The following RERE variants were observed in gnomAD, a reference collection of about 807,000 sequenced individuals.
RERE encodes arginine-glutamic acid dipeptide repeats protein.
In RERE, 40 loss-of-function variants were observed where a neutral mutation model predicts 146.1. The ratio of observed to expected loss-of-function variants is 0.27; its 90% confidence interval spans 0.21 to 0.36. The LOEUF (loss-of-function observed/expected upper bound fraction) is 0.36. Ranked by LOEUF, RERE falls within the 10% of genes least tolerant of loss-of-function variation. The pLI is 1.00. For synonymous variants in RERE, 1,003 were observed against 866.0 expected, an observed-to-expected ratio of 1.16 and a Z score of -2.78; for missense variants, 1,933 against 2,138.7, an observed-to-expected ratio of 0.90 and a Z score of 1.90.
intron 1 of RERE, among the ~76,000 whole-genome samples, chr1:8,690,867 C>T (rs1639192067): frequency 6.6e-6 from 1 of 151,728 alleles, no homozygotes; most frequent in Non-Finnish European, 1.5e-5. Context: ...TTAGATGTGG[C>T]CAAAATTTTA....
chr1:8,730,765 C>A (rs908880533), intron 1 of RERE, among the ~76,000 whole-genome samples: 5 of 152,184 alleles, frequency 3.3e-5, no homozygotes, highest in Non-Finnish European at 5.9e-5. Context: ...CAGGTGTGAG[C>A]CACAGTGACC....
chr1:8,373,730 C>A (rs560465210), intron 12 of RERE, among the ~76,000 whole-genome samples: 8 of 152,190 alleles, frequency 5.3e-5, no homozygotes, highest in Admixed American at 3.9e-4. Context: ...GAATCCTATG[C>A]GAGTCATTCT....
chr1:8,640,601 T>C (rs1196046304), intron 2 of RERE, among the ~76,000 whole-genome samples: 51 of 152,202 alleles, frequency 3.4e-4, no homozygotes. Context: ...TATACTATGA[T>C]GCCTAATTAG....
chr1:8,755,710 A>C (rs1640627521), intron 1 of RERE, among the ~76,000 whole-genome samples: 1 of 152,222 alleles, frequency 6.6e-6, no homozygotes, highest in Admixed American at 6.6e-5. Flanking sequence ...TAGGCAAGCA[A>C]ATCGGCAAAA....
intron 11 of RERE, among the ~76,000 whole-genome samples, chr1:8,427,868 C>A (rs962239370): frequency 6.6e-6 from 1 of 152,156 alleles, no homozygotes; most frequent in African/African-American, 2.4e-5. Context: ...ACTTCTGTTG[C>A]GGCTGTCTCC....
intron 9 of RERE, among the ~76,000 whole-genome samples, chr1:8,495,567 C>A (rs1570336278): frequency 6.6e-6 from 1 of 152,222 alleles, no homozygotes; most frequent in Admixed American, 6.5e-5. Flanking sequence ...TCACCTCAGC[C>A]TCCTAAAGTG....
chr1:8,639,706 T>C (rs1343900516), intron 2 of RERE, among the ~76,000 whole-genome samples: 1 of 152,226 alleles, frequency 6.6e-6, no homozygotes, highest in East Asian at 1.9e-4. Context: ...AAACTGTTCC[T>C]AAGGATGTAA....
At chr1:8,448,478 G>A (rs1410285821) in intron 11 of RERE, among the ~76,000 whole-genome samples, 2 of 152,156 alleles carry the variant, frequency 1.3e-5, no homozygotes, top group African/African-American at 2.4e-5. Flanking sequence ...AAAAAAAAAG[G>A]CCAGGCGCAG....
At chr1:8,587,204 G>A (rs1054020031) in intron 4 of RERE, among the ~76,000 whole-genome samples, 1 of 152,094 alleles carries the variant, frequency 6.6e-6, no homozygotes, top group Admixed American at 6.5e-5. Flanking sequence ...TTAAGCACAG[G>A]CTTTAAAATT....
intron 1 of RERE, among the ~76,000 whole-genome samples, chr1:8,703,547 A>C (rs1327243003): frequency 1.3e-5 from 2 of 152,040 alleles, no homozygotes; most frequent in East Asian, 1.9e-4. Context: ...CTGCAATTTT[A>C]TCTCCTTCGT....
At chr1:8,617,324 CA>C in intron 3 of RERE, among the ~76,000 whole-genome samples, 1 of 102,294 alleles carries the variant, frequency 9.8e-6, no homozygotes, top group African/African-American at 4.0e-5. Flanking sequence ...GCCTGGGTGA[CA>C]AGAGTGAAAC....
chr1:8,539,402 CTTTT>C (rs5772326), intron 7 of RERE, among the ~76,000 whole-genome samples: 3 of 150,634 alleles, frequency 2.0e-5, no homozygotes, highest in Non-Finnish European at 4.4e-5. Flanking sequence ...CTTTCTTTTC[CTTTT>C]TTTTTTCTTT....
intron 10 of RERE, among the ~76,000 whole-genome samples, chr1:8,468,305 C>T (rs1211127369): frequency 2.6e-5 from 4 of 152,050 alleles, no homozygotes; most frequent in Non-Finnish European, 2.9e-5. Flanking sequence ...TTCTTTCAGA[C>T]GTATAAAAAG....
rs191754715 is a variant in RERE at position 8,620,837 on chromosome 1, G to T, written c.396+3473C>A. Among the ~76,000 whole-genome samples the T allele has an allele frequency of 3.1e-3, 463 of 151,644 alleles. 3 individuals are homozygous for T. Among genetic ancestry groups the T allele is most frequent in the African/African-American group, 0.011 (441 of 41,314 alleles). ...TTCTTCCATAAATACTTTGGTCAGC[G>T]CATTCAAACAAAATCAGACCTCTCC... On this transcript the variant is annotated intron_variant, in intron 3 of 22. Transcript: ENST00000400908.
At chr1:8,365,781 C>T (rs764787505) in intron 13 of RERE, 31 bp downstream of exon 13, 20 of 1,610,764 alleles carry the variant, frequency 1.2e-5, no homozygotes, top group Middle Eastern at 1.7e-4. Context: ...GTCTCCCCTC[C>T]GCCCACTGTG....
chr1:8,698,994 C>G (rs1639392943), intron 1 of RERE, among the ~76,000 whole-genome samples: 1 of 152,196 alleles, frequency 6.6e-6, no homozygotes, highest in Non-Finnish European at 1.5e-5. Flanking sequence ...TCATGGCTCA[C>G]TAACCTGCTC....
chr1:8,621,895 TAAG>T (rs1203480258), intron 3 of RERE, among the ~76,000 whole-genome samples: 2 of 152,120 alleles, frequency 1.3e-5, no homozygotes, highest in Non-Finnish European at 2.9e-5. Flanking sequence ...AGTAAGAAAA[TAAG>T]AAAGTGGAAA....
At chr1:8,417,354 A>G (rs1280632310) in intron 12 of RERE, among the ~76,000 whole-genome samples, 3 of 152,226 alleles carry the variant, frequency 2.0e-5, no homozygotes, top group African/African-American at 4.8e-5. Context: ...GTAGTTACGT[A>G]CGTATTTAAT....
chr1:8,645,712 C>T (rs141612984), intron 2 of RERE, among the ~76,000 whole-genome samples: 79 of 152,246 alleles, frequency 5.2e-4, no homozygotes, highest in Admixed American at 1.2e-3. Flanking sequence ...GATCCTTTCC[C>T]TATAAAATCA....
Sources: gnomAD v4.1 joint callset for allele counts (sites outside exome capture counted in the v4.1 genomes callset) on GRCh38, gnomAD v4.1.1 for gene constraint, MANE v1.5 for transcripts, NCBI Gene and HGNC (gene_info 2026-07-23, HGNC 2026-07-21) for gene names.